PPP3CC: variants seen among roughly 807,000 people sequenced by gnomAD.
PPP3CC encodes serine/threonine-protein phosphatase 2B catalytic subunit gamma isoform.
A neutral mutation model predicts 60.3 loss-of-function variants in PPP3CC; 35 were observed. The ratio of observed to expected loss-of-function variants is 0.58; its 90% CI spans 0.44 to 0.77. PPP3CC has a LOEUF of 0.77. Ranked by LOEUF, PPP3CC falls within the 30% of genes least tolerant of loss-of-function variation. PPP3CC has a pLI of 0.00. For missense variants in PPP3CC, 570 were observed against 628.9 expected, an observed-to-expected ratio of 0.91 and a Z score of 1.00; for synonymous variants, 206 against 224.3, an observed-to-expected ratio of 0.92 and a Z score of 0.73.
At chr8:22,529,300 C>G (rs1448932167) in intron 10 of PPP3CC, among the ~76,000 whole-genome samples, 1 of 152,176 alleles carries the variant, frequency 6.6e-6, no homozygotes, top group African/African-American at 2.4e-5. Flanking sequence ...GGCTGTACCA[C>G]TTTACATTTT....
intron 1 of PPP3CC, among the ~76,000 whole-genome samples, chr8:22,450,180 G>A (rs1836969453): frequency 6.6e-6 from 1 of 151,986 alleles, no homozygotes; most frequent in Admixed American, 6.6e-5. Context: ...TGATGACCAT[G>A]TTTTAAAAAC....
At chr8:22,460,569 T>A (rs1242670805) in intron 1 of PPP3CC, among the ~76,000 whole-genome samples, 1 of 152,014 alleles carries the variant, frequency 6.6e-6, no homozygotes, top group Non-Finnish European at 1.5e-5. Context: ...TCTGTAAACC[T>A]GGCACTTTGG....
intron 13 of PPP3CC, 118 bp downstream of exon 13, chr8:22,539,616 AG>A: frequency 9.4e-7 from 1 of 1,064,280 alleles, no homozygotes; most frequent in Non-Finnish European, 1.4e-6. Context: ...CAGTGAGAAA[AG>A]GTATAGTTGT....
intron 4 of PPP3CC, among the ~76,000 whole-genome samples, chr8:22,506,055 C>T (rs570189698): frequency 2.0e-5 from 3 of 151,952 alleles, no homozygotes; most frequent in African/African-American, 4.8e-5. Flanking sequence ...TCCTCTCCCT[C>T]CTCCTACCCT....
intron 1 of PPP3CC, among the ~76,000 whole-genome samples, chr8:22,462,603 C>T (rs977470735): frequency 6.7e-6 from 1 of 149,888 alleles, no homozygotes; most frequent in Non-Finnish European, 1.5e-5. Flanking sequence ...CGGAGTCTTG[C>T]TCTGTTGCCC....
chr8:22,465,214 G>C (rs778724555), intron 1 of PPP3CC, among the ~76,000 whole-genome samples: 26 of 152,070 alleles, frequency 1.7e-4, no homozygotes, highest in Non-Finnish European at 3.5e-4. Flanking sequence ...GCCTGGCTCA[G>C]CCTGCCAAAG....
Position 22,441,317 on chromosome 8 carries a change from C to A in PPP3CC, c.-93C>A, listed in dbSNP as rs767477531. The stretch of plus-strand genomic sequence containing the variant: ...GCCGGGCACGGCTGGCTGACGGCTC[C>A]GGGCAGCTAAGGCTGCCCGAGGAGA... On this transcript the variant is annotated 5_prime_UTR_variant, in exon 1 of 14. Coordinates refer to ENST00000240139, the MANE Select transcript of PPP3CC (RefSeq NM_005605.5). 6.9e-6 allele frequency: 9 copies of A among 1,299,244 alleles called. No homozygotes were observed. The East Asian group carries it at 2.6e-4, about 38-fold the overall frequency. 80.5% of individuals were successfully genotyped at this position (1,299,244 alleles called of 1,614,324 possible).
At chr8:22,489,537 T>G (rs1304273645) in intron 3 of PPP3CC, among the ~76,000 whole-genome samples, 1 of 147,774 alleles carries the variant, frequency 6.8e-6, no homozygotes, top group Non-Finnish European at 1.5e-5. Flanking sequence ...CAAAGTCCTT[T>G]ACTGTATTTT....
At chr8:22,492,573 C>T in intron 3 of PPP3CC, 1 of 427,616 alleles carries the variant, frequency 2.3e-6, no homozygotes, top group Non-Finnish European at 4.3e-6. Context: ...CCCCCAAGCA[C>T]CAACCCTAGC....
intron 3 of PPP3CC, among the ~76,000 whole-genome samples, chr8:22,487,888 G>T (rs1015287873): frequency 6.6e-6 from 1 of 152,170 alleles, no homozygotes; most frequent in Non-Finnish European, 1.5e-5. Flanking sequence ...TAAAAATTCT[G>T]TTCACACAGA....
At chr8:22,474,838 T>C in intron 1 of PPP3CC, 116 bp from the exon 2 acceptor site, 1 of 613,482 alleles carries the variant, frequency 1.6e-6, no homozygotes, top group Non-Finnish European at 2.4e-6. Context: ...GTACTGGTGC[T>C]GTGGATGTGA....
chr8:22,510,654 A>G lies in PPP3CC; in HGVS notation c.485-432A>G, dbSNP rs534055151. Among the ~76,000 whole-genome samples, 3 of 152,306 alleles carry G rather than the reference A, an allele frequency of 2.0e-5. No homozygotes were observed. In the East Asian group the frequency reaches 5.8e-4, roughly 29 times the overall value. ...CCCCCTCCCATCTTCTCACCAGCTC[A>G]GGTACAAGGAAATATCCACAGTGGG... On this transcript the variant is annotated intron_variant, in intron 4 of 13. Transcript: ENST00000240139.
At chr8:22,455,829 G>A (rs1245528449) in intron 1 of PPP3CC, among the ~76,000 whole-genome samples, 1 of 151,744 alleles carries the variant, frequency 6.6e-6, no homozygotes, top group Non-Finnish European at 1.5e-5. Flanking sequence ...TACTTAGTTG[G>A]TTCTAGGAGG....
At chr8:22,506,752 G>T (rs369167890) in intron 4 of PPP3CC, among the ~76,000 whole-genome samples, 1 of 150,816 alleles carries the variant, frequency 6.6e-6, no homozygotes, top group Non-Finnish European at 1.5e-5. Context: ...CCATCCTGGC[G>T]AACACAGTGA....
intron 6 of PPP3CC, among the ~76,000 whole-genome samples, chr8:22,514,361 ATC>A (rs1391442850): frequency 6.6e-6 from 1 of 152,036 alleles, no homozygotes; most frequent in Non-Finnish European, 1.5e-5. Context: ...TTCCCTAAAA[ATC>A]TCTGTTAATT....
intron 1 of PPP3CC, among the ~76,000 whole-genome samples, chr8:22,472,574 C>T (rs551391098): frequency 6.6e-6 from 1 of 152,220 alleles, no homozygotes; most frequent in East Asian, 1.9e-4. Flanking sequence ...GCCTGAGGCT[C>T]TTGAGGAGAT....
At chr8:22,533,417 G>A (rs941550991) in intron 12 of PPP3CC, among the ~76,000 whole-genome samples, 6 of 152,082 alleles carry the variant, frequency 3.9e-5, no homozygotes, top group South Asian at 2.1e-4. Context: ...TGCAATACAC[G>A]TCTCACCAAG....
At chr8:22,499,649 A>G (rs1319629879) in intron 4 of PPP3CC, among the ~76,000 whole-genome samples, 1 of 152,224 alleles carries the variant, frequency 6.6e-6, no homozygotes, top group African/African-American at 2.4e-5. Context: ...TTGGCTGCTC[A>G]CTAACAAACA....
intron 13 of PPP3CC, 70 bp from the exon 14 acceptor site, chr8:22,540,545 A>G (rs1839936031): frequency 6.8e-7 from 1 of 1,479,638 alleles, no homozygotes; most frequent in Non-Finnish European, 9.2e-7. Context: ...GTGTGCTAAG[A>G]AACTTTTTTT....
Sources: allele counts gnomAD v4.1 joint callset (sites outside exome capture counted in the v4.1 genomes callset), GRCh38; gene constraint gnomAD v4.1.1; transcripts MANE v1.5; gene names NCBI Gene and HGNC (gene_info 2026-07-23, HGNC 2026-07-21).